THAP6: variants seen among roughly 807,000 people sequenced by gnomAD.
THAP6 encodes THAP domain containing 6, also known as THAP domain-containing protein 6.
THAP6 carries 13 observed loss-of-function variants against 20.0 expected under a neutral mutation model. The ratio of observed to expected loss-of-function variants is 0.65; its 90% CI spans 0.42 to 1.03. THAP6 has a LOEUF of 1.03. Ranked by LOEUF, THAP6 falls within the 50% of genes least tolerant of loss-of-function variation. THAP6 has a pLI of 0.00. For missense variants in THAP6, 262 were observed against 261.6 expected, an observed-to-expected ratio of 1.00 and a Z score of -0.01; for synonymous variants, 93 against 92.2, an observed-to-expected ratio of 1.01 and a Z score of -0.05.
At position 75,522,004 on chromosome 4, in the gene THAP6, T is replaced by C. The variant is rs193256820; in HGVS notation, c.414+143T>C. On this transcript the variant is annotated intron_variant, in intron 4 of 4. Coordinates refer to ENST00000311638, the MANE Select transcript of THAP6 (RefSeq NM_144721.6). Reference sequence around the variant, plus strand: ...AAATAATATTGCTTCCTAGAGTCATTGTAATTTATATATATGCAACAGCAA... The same window carrying C: ...AAATAATATTGCTTCCTAGAGTCATCGTAATTTATATATATGCAACAGCAA... 3.3e-5 allele frequency: 33 copies of C among 1,007,226 alleles called. No individual in the cohort carries two copies. The Admixed American group carries it at 6.9e-4, about 21-fold the overall frequency. The allele number at this position is 1,007,226 out of a possible 1,614,324, so 62.4% of individuals were successfully genotyped here.
chr4:75,533,726 C>T (rs1014708653), downstream of THAP6, among the ~76,000 whole-genome samples: 1 of 152,122 alleles, frequency 6.6e-6, no homozygotes. Flanking sequence ...AGAGCTTGTG[C>T]AGAGAAACTC....
chr4:75,546,281 G>A lies in THAP6; in HGVS notation c.244-3324G>A, dbSNP rs1405279256. Among the ~76,000 whole-genome samples, 3 of 152,168 alleles carry A rather than the reference G, an allele frequency of 2.0e-5. No homozygotes were observed. In the East Asian group the frequency reaches 5.8e-4, roughly 29 times the overall value. On this transcript the variant is annotated intron_variant, in intron 3 of 4. Transcript: ENST00000502620. ...AAATCCCGATGTTCAGCCTCTGGGT[G>A]AAGGACATTCCATCCTGAGACGGAG...
At chr4:75,534,082 A>G (rs931836240), downstream of THAP6, among the ~76,000 whole-genome samples, 9 of 152,274 alleles carry the variant, frequency 5.9e-5, no homozygotes, top group Non-Finnish European at 1.0e-4. Flanking sequence ...CCTACAAAGG[A>G]CATGAACTCA....
intron 3 of THAP6, among the ~76,000 whole-genome samples, chr4:75,518,451 T>G (rs943125812): frequency 1.3e-5 from 2 of 152,214 alleles, no homozygotes; most frequent in African/African-American, 4.8e-5. Context: ...TTTATTGGGT[T>G]TTTTAAAATA....
chr4:75,539,834 T>C (rs913150856), intron 2 of THAP6: 1 of 1,535,894 alleles, frequency 6.5e-7, no homozygotes, highest in Non-Finnish European at 8.7e-7. Flanking sequence ...TTTTTCTTTC[T>C]TCTTTAAATT....
At position 75,515,536 on chromosome 4, in the gene THAP6, A is replaced by AGATTT; in HGVS notation, c.80+5_80+9dup. The AGATTT allele has an allele frequency of 1.2e-5, 19 of 1,613,392 alleles. No homozygotes were observed. Among genetic ancestry groups the AGATTT allele is most frequent in the Non-Finnish European group, 1.6e-5 (19 of 1,179,336 alleles). On this transcript the variant is annotated splice_donor_region_variant and intron_variant, in intron 2 of 4. Transcript: ENST00000311638. ...TAAAAGGACTGACATTTCACGTGTA[A>AGATTT]GATTTTGCTGTAGTTAAGCCAAATA...
downstream of THAP6, among the ~76,000 whole-genome samples, chr4:75,532,979 C>T (rs1409861721): frequency 6.6e-6 from 1 of 152,222 alleles, no homozygotes; most frequent in Non-Finnish European, 1.5e-5. Flanking sequence ...TCCCCATTGT[C>T]TTGGGGATTA....
Position 75,528,930 on chromosome 4 carries a change from G to A in THAP6, c.*1716G>A, listed in dbSNP as rs1459484161. On this transcript the variant is annotated 3_prime_UTR_variant, in exon 5 of 5. Transcript: ENST00000311638. Reference sequence around the variant, plus strand: ...TAGCCGGGCATGGTGGCACGTGCCTGTAATCCCAGCTACTTGGGAGACTGA... The same window carrying A: ...TAGCCGGGCATGGTGGCACGTGCCTATAATCCCAGCTACTTGGGAGACTGA... The A allele has an allele frequency of 6.6e-6, 3 of 453,006 alleles. No homozygotes were observed. Among genetic ancestry groups the A allele is most frequent in the African/African-American group, 4.3e-5 (2 of 46,692 alleles). 28.1% of individuals were successfully genotyped at this position (453,006 alleles called of 1,614,324 possible).
intron 4 of THAP6, 63 bp from the exon 5 acceptor site, chr4:75,526,897 G>C: frequency 1.3e-6 from 2 of 1,567,148 alleles, no homozygotes; most frequent in Non-Finnish European, 1.7e-6. Context: ...CTTAGACCTA[G>C]TTATAAGCTT....
chr4:75,515,913 A>G (rs1432098571), intron 2 of THAP6, among the ~76,000 whole-genome samples: 1 of 152,278 alleles, frequency 6.6e-6, no homozygotes, highest in Admixed American at 6.5e-5. Flanking sequence ...AGCATAGGTT[A>G]TAGAGAAAAA....
chr4:75,528,845 T>A lies in THAP6; in HGVS notation c.*1631T>A, dbSNP rs1211307033. On this transcript the variant is annotated 3_prime_UTR_variant, in exon 5 of 5. Coordinates refer to ENST00000311638, the MANE Select transcript of THAP6 (RefSeq NM_144721.6). ...AGGCAGATCACTTGAGGTCAGGGGT[T>A]CAAAACCAGCCTGGCCAAGATGGTG... 1.1e-6 allele frequency: 1 copy of A among 874,324 alleles called. No homozygotes were observed. Among genetic ancestry groups the A allele is most frequent in the African/African-American group, 1.8e-5 (1 of 54,306 alleles). The allele number at this position is 874,324 out of a possible 1,614,324, so 54.2% of individuals were successfully genotyped here. A position where few individuals can be genotyped will look rare whatever the true frequency, so the allele number is the denominator to read the frequency against.
chr4:75,532,831 CAG>C (rs1433440356), downstream of THAP6, among the ~76,000 whole-genome samples: 3 of 152,176 alleles, frequency 2.0e-5, no homozygotes, highest in African/African-American at 7.2e-5. Context: ...GGCTGGGACA[CAG>C]GGCACCAAGT....
At chr4:75,520,204 A>C (rs1725935746) in intron 3 of THAP6, among the ~76,000 whole-genome samples, 1 of 151,926 alleles carries the variant, frequency 6.6e-6, no homozygotes, top group African/African-American at 2.4e-5. Flanking sequence ...AATTTGTGTG[A>C]GTTCATTGTA....
chr4:75,535,753 C>T (rs1238137108), intron 2 of THAP6, among the ~76,000 whole-genome samples: 1 of 152,000 alleles, frequency 6.6e-6, no homozygotes, highest in African/African-American at 2.4e-5. Flanking sequence ...CTTTTTGTAC[C>T]TTTTGCATTA....
In THAP6 at chr4:75,527,506, C is replaced by T. The variant is rs977698899; in HGVS notation, c.*292C>T. ...TTTCACAGAGCTAAAGAAATGATGTCAAATTAGTCACATTAAGCTATAGTA... is the reference window on the plus strand; with the variant it reads ...TTTCACAGAGCTAAAGAAATGATGTTAAATTAGTCACATTAAGCTATAGTA... On this transcript the variant is annotated 3_prime_UTR_variant, in exon 5 of 5. Coordinates refer to ENST00000311638, the MANE Select transcript of THAP6 (RefSeq NM_144721.6). The T allele has an allele frequency of 8.5e-7, 1 of 1,180,336 alleles. No individual in the cohort carries two copies. Among genetic ancestry groups the T allele is most frequent in the Non-Finnish European group, 1.1e-6 (1 of 950,926 alleles). 73.1% of individuals were successfully genotyped at this position (1,180,336 alleles called of 1,614,324 possible).
upstream of THAP6, chr4:75,514,255 C>T (rs371992356): frequency 1.6e-5 from 26 of 1,612,782 alleles, no homozygotes; most frequent in African/African-American, 2.7e-5. Context: ...CTCTTGACCG[C>T]TGGCGCCATC....
chr4:75,526,313 A>AAATT (rs1021429545), intron 4 of THAP6, among the ~76,000 whole-genome samples: 2 of 152,214 alleles, frequency 1.3e-5, no homozygotes, highest in Non-Finnish European at 2.9e-5. Flanking sequence ...CTGGAAATAA[A>AAATT]AGTCTTCTTT....
chr4:75,531,252 A>G (rs886806076), downstream of THAP6, among the ~76,000 whole-genome samples: 6 of 152,220 alleles, frequency 3.9e-5, no homozygotes, highest in African/African-American at 1.4e-4. Flanking sequence ...AGCCCCAAAT[A>G]AAACCTTGAA....
chr4:75,518,130 TG>T (rs1725779046), intron 3 of THAP6, among the ~76,000 whole-genome samples: 1 of 152,210 alleles, frequency 6.6e-6, no homozygotes, highest in Admixed American at 6.5e-5. Context: ...CTAGGGCTTT[TG>T]TTTTTTTTCC....
Sources: gnomAD v4.1 joint callset for allele counts (sites outside exome capture counted in the v4.1 genomes callset) on GRCh38, gnomAD v4.1.1 for gene constraint, MANE v1.5 for transcripts, NCBI Gene and HGNC (gene_info 2026-07-23, HGNC 2026-07-21) for gene names.